The following BNC2 variants were observed in gnomAD, a reference collection of about 807,000 sequenced individuals.
The protein encoded by BNC2 is basonuclin zinc finger protein 2.
A neutral mutation model predicts 76.3 loss-of-function variants in BNC2; 20 were observed. That is an observed-to-expected ratio of 0.26 (90% CI 0.18 to 0.38). BNC2 has a LOEUF of 0.38. BNC2 is among the 10% of genes least tolerant of loss of function. BNC2 has a pLI of 1.00. For missense variants in BNC2, 1,382 were observed against 1,399.8 expected (o/e 0.99, Z 0.20); for synonymous variants, 582 against 514.8 (o/e 1.13, Z -1.77).
chr9:16,744,343 G>A (rs74537844), intron 1 of BNC2, among the ~76,000 whole-genome samples: 1,623 of 152,264 alleles, frequency 0.011, 32 homozygotes, highest in African/African-American at 0.037. Context: ...AAACGTGGGA[G>A]AGACTTAGTT....
intron 3 of BNC2, among the ~76,000 whole-genome samples, chr9:16,683,074 T>A (rs1822871516): frequency 2.0e-5 from 3 of 152,204 alleles, no homozygotes; most frequent in African/African-American, 4.8e-5. Flanking sequence ...GTTATTTTTC[T>A]GAATCAAGCA....
At chr9:16,636,012 A>G (rs938344612) in intron 3 of BNC2, among the ~76,000 whole-genome samples, 8 of 152,196 alleles carry the variant, frequency 5.3e-5, no homozygotes, top group Non-Finnish European at 1.2e-4. Context: ...CAGAAACTGG[A>G]AACAATTTAA....
At position 16,413,456 on chromosome 9, in the gene BNC2, T is replaced by C. The variant is rs1439309687; in HGVS notation, c.*5533A>G. On this transcript the variant is annotated 3_prime_UTR_variant, in exon 7 of 7. Coordinates refer to ENST00000380672, the MANE Select transcript of BNC2 (RefSeq NM_017637.6). ...ATCTTTTGGATTAAAAGCATTTGGA[T>C]TTTTCAACAAATGCCAAAAAGACAG... The C allele has an allele frequency of 6.6e-6, 1 of 152,130 alleles. No homozygotes were observed. Among genetic ancestry groups the C allele is most frequent in the Non-Finnish European group, 1.5e-5 (1 of 68,038 alleles). 9.4% of individuals were successfully genotyped at this position (152,130 alleles called of 1,614,324 possible). A position where few individuals can be genotyped will look rare whatever the true frequency, so the allele number is the denominator to read the frequency against.
At chr9:16,752,363 G>C (rs916109336) in intron 1 of BNC2, among the ~76,000 whole-genome samples, 7 of 152,160 alleles carry the variant, frequency 4.6e-5, no homozygotes, top group African/African-American at 1.7e-4. Context: ...TGAAAGTTTA[G>C]CTTCAGGGCA....
chr9:16,624,277 C>T (rs565479526), intron 3 of BNC2, among the ~76,000 whole-genome samples: 1 of 152,236 alleles, frequency 6.6e-6, no homozygotes, highest in East Asian at 1.9e-4. Context: ...CCGAAAACCA[C>T]CTTCACGTGG....
intron 3 of BNC2, among the ~76,000 whole-genome samples, chr9:16,605,538 T>A (rs981610775): frequency 6.6e-6 from 1 of 152,242 alleles, no homozygotes; most frequent in East Asian, 1.9e-4. Flanking sequence ...ACATTTTTCT[T>A]TAAGTCCCAT....
At chr9:16,593,311 G>A (rs1264094336) in intron 3 of BNC2, among the ~76,000 whole-genome samples, 2 of 152,036 alleles carry the variant, frequency 1.3e-5, no homozygotes, top group Non-Finnish European at 1.5e-5. Flanking sequence ...CAAACAGGGA[G>A]AAAGGGACAC....
chr9:16,483,622 C>A (rs991830889), intron 5 of BNC2, among the ~76,000 whole-genome samples: 2 of 152,212 alleles, frequency 1.3e-5, no homozygotes, highest in African/African-American at 2.4e-5. Flanking sequence ...ATAGCTAATT[C>A]TATTGCTATT....
intron 3 of BNC2, among the ~76,000 whole-genome samples, chr9:16,696,286 G>C (rs1463665989): frequency 1.3e-5 from 2 of 152,030 alleles, no homozygotes; most frequent in Admixed American, 1.3e-4. Context: ...TGCCTTTCCA[G>C]CTTTATCTTC....
At chr9:16,557,695 T>C (rs1033999283) in intron 4 of BNC2, among the ~76,000 whole-genome samples, 1 of 152,090 alleles carries the variant, frequency 6.6e-6, no homozygotes, top group Non-Finnish European at 1.5e-5. Context: ...CTTGCTTAAG[T>C]ACAGTTTGAA....
intron 5 of BNC2, among the ~76,000 whole-genome samples, chr9:16,502,004 G>C (rs1822528732): frequency 6.6e-6 from 1 of 152,126 alleles, no homozygotes; most frequent in Non-Finnish European, 1.5e-5. Context: ...TTGACTGCTA[G>C]TCCCAAGAAA....
At chr9:16,813,903 T>G (rs1234574551) in intron 1 of BNC2, among the ~76,000 whole-genome samples, 1 of 152,172 alleles carries the variant, frequency 6.6e-6, no homozygotes, top group African/African-American at 2.4e-5. Context: ...TTTCATGACA[T>G]TCTCAGATGA....
intron 3 of BNC2, among the ~76,000 whole-genome samples, chr9:16,647,201 T>C (rs1474815546): frequency 1.3e-5 from 2 of 152,154 alleles, no homozygotes; most frequent in East Asian, 1.9e-4. Flanking sequence ...GCACAGCACA[T>C]GTTCCAATTA....
intron 2 of BNC2, among the ~76,000 whole-genome samples, chr9:16,738,010 A>G (rs1587366698): frequency 6.6e-6 from 1 of 152,302 alleles, no homozygotes; most frequent in African/African-American, 2.4e-5. Flanking sequence ...TTAATATAGT[A>G]TTATTATTAA....
At chr9:16,481,587 G>C (rs1344657019) in intron 5 of BNC2, among the ~76,000 whole-genome samples, 2 of 152,208 alleles carry the variant, frequency 1.3e-5, no homozygotes, top group African/African-American at 2.4e-5. Flanking sequence ...CTTGAAGTCA[G>C]TGAGACCAAG....
At chr9:16,710,700 C>G (rs954324521) in intron 3 of BNC2, among the ~76,000 whole-genome samples, 36 of 152,078 alleles carry the variant, frequency 2.4e-4, no homozygotes, top group African/African-American at 8.2e-4. Flanking sequence ...CCCACATAAA[C>G]TATCTATTCT....
intron 4 of BNC2, among the ~76,000 whole-genome samples, chr9:16,555,275 G>A (rs1411119333): frequency 6.6e-6 from 1 of 151,776 alleles, no homozygotes; most frequent in African/African-American, 2.4e-5. Context: ...CACCCGCCTC[G>A]GCCTCCCAAA....
At chr9:16,531,644 T>C (rs999012771) in intron 5 of BNC2, among the ~76,000 whole-genome samples, 1 of 152,094 alleles carries the variant, frequency 6.6e-6, no homozygotes, top group Non-Finnish European at 1.5e-5. Context: ...ACTCCGGCTG[T>C]GTTTATTTTA....
rs76216694 is a variant in BNC2, at chr9:16,657,224, T to G, written c.330+70573A>C. 2.2e-4 allele frequency among the ~76,000 whole-genome samples: 33 copies of G among 152,210 alleles called. No individual in the cohort carries two copies. In the East Asian group the frequency reaches 6.2e-3, roughly 29 times the overall value. On this transcript the variant is annotated intron_variant, in intron 3 of 6. Coordinates refer to ENST00000380672, the MANE Select transcript of BNC2 (RefSeq NM_017637.6). ...CAAGTGTGCAGGTGAAAACCCAGTA[T>G]AGAATACCTGGAAAAGATTTATGTT...
Sources: allele counts gnomAD v4.1 joint callset (sites outside exome capture counted in the v4.1 genomes callset), GRCh38; gene constraint gnomAD v4.1.1; transcripts MANE v1.5; gene names NCBI Gene and HGNC (gene_info 2026-07-23, HGNC 2026-07-21).